MAP4K3: variants seen among roughly 807,000 people sequenced by gnomAD.
The protein encoded by MAP4K3 is MAPK/ERK kinase kinase kinase 3.
MAP4K3 carries 94 observed loss-of-function variants against 143.5 expected under a neutral mutation model. The ratio of observed to expected loss-of-function variants is 0.65; its 90% CI spans 0.55 to 0.78. The LOEUF is 0.78. MAP4K3 is among the 30% of genes least tolerant of loss of function. The probability of loss-of-function intolerance (pLI) is 0.00; values close to 1 mark genes in which losing one functional copy is unlikely to be tolerated. For synonymous variants in MAP4K3, 416 were observed against 347.2 expected (o/e 1.20, Z -2.20); for missense variants, 1,077 against 1,068.1 (o/e 1.01, Z -0.12).
chr2:39,370,759 CTA>C (rs1463191067), intron 2 of MAP4K3, among the ~76,000 whole-genome samples: 1 of 152,218 alleles, frequency 6.6e-6, no homozygotes, highest in African/African-American at 2.4e-5. Flanking sequence ...AGAGTTTTTC[CTA>C]TGAGTTGCTA....
chr2:39,276,997 A>C (rs1681284576), intron 24 of MAP4K3, among the ~76,000 whole-genome samples: 2 of 152,250 alleles, frequency 1.3e-5, no homozygotes, highest in Non-Finnish European at 2.9e-5. Flanking sequence ...GAACTGTATG[A>C]TATGTGAATT....
intron 1 of MAP4K3, among the ~76,000 whole-genome samples, chr2:39,433,564 C>T (rs1480933163): frequency 3.3e-5 from 5 of 152,164 alleles, no homozygotes; most frequent in Non-Finnish European, 7.4e-5. Context: ...ACCTATGGAT[C>T]ATTTTTTCAT....
Position 39,349,143 on chromosome 2 carries a change from T to TG in MAP4K3, c.246-5692_246-5691insC, listed in dbSNP as rs542397176. On this transcript the variant is annotated intron_variant, in intron 3 of 33. Transcript: ENST00000263881. Reference sequence around the variant, plus strand: ...TTGTCTTGCTGACCAAAGCAATGGCTATTCCACTATATTCAGCAAAATAAT... The same window carrying TG: ...TTGTCTTGCTGACCAAAGCAATGGCTGATTCCACTATATTCAGCAAAATAAT... Among the ~76,000 whole-genome samples, 16 of 152,340 alleles carry TG rather than the reference T, an allele frequency of 1.1e-4. No homozygotes were observed. The South Asian group carries it at 2.7e-3, about 26-fold the overall frequency.
At chr2:39,363,733 T>C (rs1375632550) in intron 2 of MAP4K3, among the ~76,000 whole-genome samples, 2 of 151,234 alleles carry the variant, frequency 1.3e-5, no homozygotes, top group Non-Finnish European at 2.9e-5. Flanking sequence ...ATAGCTTGAT[T>C]TGATCATTTC....
At chr2:39,370,288 GAAT>G (rs1666045127) in intron 2 of MAP4K3, among the ~76,000 whole-genome samples, 1 of 152,150 alleles carries the variant, frequency 6.6e-6, no homozygotes, top group Admixed American at 6.5e-5. Flanking sequence ...AACCTTTGAA[GAAT>G]AATTATCATG....
intron 1 of MAP4K3, among the ~76,000 whole-genome samples, chr2:39,399,044 TAAAAAAAA>T (rs57189056): frequency 1.7e-5 from 2 of 116,432 alleles, no homozygotes; most frequent in Non-Finnish European, 3.6e-5. Context: ...TCTGTCTCGT[TAAAAAAAA>T]AAAAAAAAAA....
chr2:39,350,671 T>G (rs1227315017), intron 3 of MAP4K3, among the ~76,000 whole-genome samples: 1 of 152,220 alleles, frequency 6.6e-6, no homozygotes, highest in Non-Finnish European at 1.5e-5. Flanking sequence ...CCTGGATTAC[T>G]GTAATAAATA....
chr2:39,266,949 A>G (rs1259058204), intron 27 of MAP4K3, among the ~76,000 whole-genome samples: 1 of 152,122 alleles, frequency 6.6e-6, no homozygotes, highest in Non-Finnish European at 1.5e-5. Context: ...TTACCTAGGC[A>G]ATAAATTATT....
intron 2 of MAP4K3, among the ~76,000 whole-genome samples, chr2:39,367,423 G>A (rs1034992097): frequency 1.3e-5 from 2 of 151,776 alleles, no homozygotes; most frequent in Non-Finnish European, 2.9e-5. Context: ...GCCTGTAGTC[G>A]CAGCTACTTG....
chr2:39,322,592 ATGTG>A (rs71752304), intron 12 of MAP4K3, among the ~76,000 whole-genome samples: 63 of 144,772 alleles, frequency 4.4e-4, no homozygotes, highest in Admixed American at 1.9e-3. Context: ...GATGTGGTAT[ATGTG>A]TGTGTGTGTG....
At chr2:39,347,543 G>C (rs887858915) in intron 3 of MAP4K3, among the ~76,000 whole-genome samples, 1 of 152,092 alleles carries the variant, frequency 6.6e-6, no homozygotes, top group Admixed American at 6.6e-5. Context: ...CACAATAAAT[G>C]TAAGTTGTTT....
At chr2:39,416,243 C>T (rs1238245801) in intron 1 of MAP4K3, among the ~76,000 whole-genome samples, 3 of 151,814 alleles carry the variant, frequency 2.0e-5, no homozygotes, top group Non-Finnish European at 4.4e-5. Flanking sequence ...TCTACATGAG[C>T]TTACCAATGA....
chr2:39,333,730 T>A (rs1221118762), intron 6 of MAP4K3, among the ~76,000 whole-genome samples, 156 bp from the exon 7 acceptor site: 1 of 152,122 alleles, frequency 6.6e-6, no homozygotes, highest in Non-Finnish European at 1.5e-5. Context: ...GAGTCATAGG[T>A]AAATCTACTG....
chr2:39,250,408 A>T lies in MAP4K3; in HGVS notation c.*210T>A, dbSNP rs549286106. ...CTGCCTATATGTACAAAGATTACAT[A>T]ACAATGAATTAAGCACTTGTGTGGT... On this transcript the variant is annotated 3_prime_UTR_variant, in exon 34 of 34. Transcript: ENST00000263881. 2.0e-6 allele frequency: 1 copy of T among 497,604 alleles called. No individual in the cohort carries two copies. Among genetic ancestry groups the T allele is most frequent in the African/African-American group, 1.9e-5 (1 of 51,968 alleles). The allele number at this position is 497,604 out of a possible 1,614,324, so 30.8% of individuals were successfully genotyped here. A position where few individuals can be genotyped will look rare whatever the true frequency, so the allele number is the denominator to read the frequency against.
At chr2:39,332,415 C>T (rs1683712135) in intron 7 of MAP4K3, among the ~76,000 whole-genome samples, 1 of 151,998 alleles carries the variant, frequency 6.6e-6, no homozygotes. Flanking sequence ...ATCAGATAAA[C>T]CAGTAAGTCT....
chr2:39,353,700 T>C (rs1219747146), intron 3 of MAP4K3, among the ~76,000 whole-genome samples: 4 of 152,166 alleles, frequency 2.6e-5, no homozygotes, highest in South Asian at 2.1e-4. Flanking sequence ...GGCACTAAAA[T>C]AATGATACTT....
intron 4 of MAP4K3, among the ~76,000 whole-genome samples, chr2:39,339,036 AG>A (rs1665066203): frequency 2.0e-5 from 3 of 152,228 alleles, no homozygotes; most frequent in African/African-American, 7.2e-5. Flanking sequence ...AAATCACTTT[AG>A]AATAAAAAGT....
rs1423125863 is a variant in MAP4K3, at chr2:39,333,522, A to G, written c.457+10T>C. The G allele has an allele frequency of 1.2e-6, 2 of 1,601,564 alleles. No homozygotes were observed. Among genetic ancestry groups the G allele is most frequent in the Non-Finnish European group, 1.7e-6 (2 of 1,169,784 alleles). On this transcript the variant is annotated intron_variant, in intron 7 of 33. Coordinates refer to ENST00000263881, the MANE Select transcript of MAP4K3 (RefSeq NM_003618.4). ...GATTTGTGCACGTGACAAAATTCCA[A>G]TTTACTTACCCAATTTCACATGACC...
At chr2:39,354,618 T>C (rs1209121285) in intron 3 of MAP4K3, among the ~76,000 whole-genome samples, 2 of 150,510 alleles carry the variant, frequency 1.3e-5, no homozygotes, top group African/African-American at 4.9e-5. Context: ...GCTGAGATCA[T>C]GCCACTGCAC....
Sources: gnomAD v4.1 joint callset for allele counts (sites outside exome capture counted in the v4.1 genomes callset) on GRCh38, gnomAD v4.1.1 for gene constraint, MANE v1.5 for transcripts, NCBI Gene and HGNC (gene_info 2026-07-23, HGNC 2026-07-21) for gene names.